The following CACNA1E variants were observed in gnomAD, a reference collection of about 807,000 sequenced individuals.
CACNA1E encodes the protein calcium voltage-gated channel subunit alpha1 E.
A neutral mutation model predicts 259.2 loss-of-function variants in CACNA1E; 40 were observed. The observed-to-expected ratio is 0.15, with a 90% CI of 0.12 to 0.20. CACNA1E has a LOEUF of 0.20. Among genes scored for constraint, CACNA1E ranks in the 10% least tolerant of loss-of-function variants. The pLI is 1.00. For missense variants in CACNA1E, 1,874 were observed against 3,040.1 expected (o/e 0.62, Z 9.02); for synonymous variants, 1,104 against 1,138.5 (o/e 0.97, Z 0.61).
rs1662159000 is a variant in CACNA1E at position 181,800,020 on chromosome 1, A to G, written c.*1186A>G. 1 of 152,454 alleles carries G rather than the reference A, an allele frequency of 6.6e-6. No individual in the cohort carries two copies. Among genetic ancestry groups the G allele is most frequent in the South Asian group, 2.1e-4 (1 of 4,830 alleles). 9.4% of individuals were successfully genotyped at this position (152,454 alleles called of 1,614,324 possible). ...CAGAACACACATATCCAAGTAGGCT[A>G]CCCACCACTGGGTAGGGATTTCTGT... On this transcript the variant is annotated 3_prime_UTR_variant, in exon 48 of 48. Transcript: ENST00000367573.
At chr1:181,337,713 T>C (rs1651821233) in intron 1 of CACNA1E, among the ~76,000 whole-genome samples, 4 of 152,218 alleles carry the variant, frequency 2.6e-5, no homozygotes, top group Admixed American at 2.6e-4. Context: ...GGCTGAGTAG[T>C]ATTCCATTCT....
intron 6 of CACNA1E, among the ~76,000 whole-genome samples, chr1:181,613,448 A>G (rs1273809223): frequency 6.6e-6 from 1 of 152,192 alleles, no homozygotes; most frequent in Non-Finnish European, 1.5e-5. Flanking sequence ...GAGAAAAGAA[A>G]ATCATAAGGA....
At position 181,798,429 on chromosome 1, in the gene CACNA1E, G is replaced by C; in HGVS notation, c.6537G>C (p.Ala2179=). The change falls in exon 48 of 48, where the codon GCG becomes GCC. Residue 2179 remains alanine (A), a synonymous_variant. Transcript: ENST00000367573. This position sits in a 1 kb window ranked among gnomAD's most constrained non-coding sequence, Gnocchi z 4.2. ...LLSYSSLIRH[A]GSISPPADGS... ...CCTACAGCTCCCTGATTCGACACGCGGGCAGCATCTCTCCACCTGCTGATG... is the reference window on the plus strand; with the variant it reads ...CCTACAGCTCCCTGATTCGACACGCCGGCAGCATCTCTCCACCTGCTGATG... 6.2e-7 allele frequency: 1 copy of C among 1,613,642 alleles called. No homozygotes were observed. The highest frequency in any genetic ancestry group is 8.5e-7 in the Non-Finnish European group (1 of 1,179,884).
rs545353383 is a variant in CACNA1E, at chr1:181,416,472, G to GTCAT, written c.434+2894_434+2897dup. Among the ~76,000 whole-genome samples the GTCAT allele has an allele frequency of 1.2e-4, 18 of 152,276 alleles. No homozygotes were observed. The East Asian group carries it at 3.1e-3, about 26-fold the overall frequency. On this transcript the variant is annotated intron_variant, in intron 2 of 11. Transcript: ENST00000524607. ...GCTATCCTGTAAGCCAAAGAATGTA[G>GTCAT]TCATTGGCCTCTTTAACTCTTTGGG...
intron 2 of CACNA1E, among the ~76,000 whole-genome samples, chr1:181,455,649 A>C (rs963490836): frequency 3.3e-5 from 5 of 152,206 alleles, no homozygotes; most frequent in African/African-American, 1.2e-4. Flanking sequence ...CTAGTCTTTC[A>C]TCTGCTCAAG....
At chr1:181,615,149 TA>T (rs1398303097) in intron 6 of CACNA1E, among the ~76,000 whole-genome samples, 4 of 152,216 alleles carry the variant, frequency 2.6e-5, no homozygotes, top group African/African-American at 9.6e-5. Flanking sequence ...TTTTTCTCAT[TA>T]AAGTTTTATA....
At chr1:181,744,175 G>T (rs1386443680) in intron 25 of CACNA1E, among the ~76,000 whole-genome samples, 1 of 152,232 alleles carries the variant, frequency 6.6e-6, no homozygotes, top group African/African-American at 2.4e-5. Flanking sequence ...ATTGAAGTAT[G>T]TCACTTTCCT....
intron 3 of CACNA1E, among the ~76,000 whole-genome samples, chr1:181,565,615 T>C (rs1024466345): frequency 6.6e-6 from 1 of 152,158 alleles, no homozygotes; most frequent in Admixed American, 6.5e-5. Flanking sequence ...AGCACTGAAA[T>C]TTTTGGAAAG....
chr1:181,719,063 T>C (rs1181636034), intron 12 of CACNA1E, among the ~76,000 whole-genome samples: 1 of 152,242 alleles, frequency 6.6e-6, no homozygotes. Context: ...GTACGGGCAA[T>C]TTTCAGGCAT....
At chr1:181,367,455 AGG>A (rs894253812) in intron 1 of CACNA1E, among the ~76,000 whole-genome samples, 2 of 151,686 alleles carry the variant, frequency 1.3e-5, no homozygotes, top group Non-Finnish European at 2.9e-5. Flanking sequence ...GTCATCTCAA[AGG>A]GGTATAGACA....
intron 44 of CACNA1E, among the ~76,000 whole-genome samples, chr1:181,791,635 C>T (rs1486101138): frequency 3.3e-5 from 5 of 152,150 alleles, no homozygotes; most frequent in African/African-American, 1.2e-4. Context: ...GCCATGAGCT[C>T]AAGGTCCCCC....
chr1:181,503,619 T>G (rs1018502317), intron 1 of CACNA1E, among the ~76,000 whole-genome samples: 1 of 152,254 alleles, frequency 6.6e-6, no homozygotes, highest in African/African-American at 2.4e-5. Context: ...CACCAACAGA[T>G]GCTTTCCCCA....
intron 3 of CACNA1E, among the ~76,000 whole-genome samples, chr1:181,515,785 G>A (rs1031180147): frequency 1.3e-5 from 2 of 152,194 alleles, no homozygotes; most frequent in African/African-American, 2.4e-5. Context: ...AAATGAAGGC[G>A]AGGACTGTGT....
rs766886496 is a variant in CACNA1E at position 181,510,520 on chromosome 1, A to C, written c.310A>C (p.Ile104Leu). The C allele has an allele frequency of 6.8e-6, 11 of 1,613,898 alleles. No homozygotes were observed. Among genetic ancestry groups the C allele is most frequent in the Non-Finnish European group, 9.3e-6 (11 of 1,179,882 alleles). ...CCTGGCCACCATCATTGCCAACTGC[A>C]TCGTCCTGGCCCTGGAGCAGCATCT... ...MILATIIANC[I>L]VLALEQHLPE... Residue 104 changes from isoleucine (I) to leucine (L), a missense_variant, in exon 2 of 48, where the codon ATC becomes CTC. By Grantham distance (5) the Ile-to-Leu change is conservative. Around this residue, in one of 14 missense-constraint regions of CACNA1E, gnomAD observed 55 missense variants for 156.5 expected, o/e 0.35. Coordinates refer to ENST00000367573, the MANE Select transcript of CACNA1E (RefSeq NM_001205293.3).
At chr1:181,401,081 G>T (rs574517565) in intron 1 of CACNA1E, among the ~76,000 whole-genome samples, 189 of 152,234 alleles carry the variant, frequency 1.2e-3, no homozygotes, top group Non-Finnish European at 2.2e-3. Flanking sequence ...TGGCCTCCTT[G>T]CTGCTCCTAG....
At chr1:181,720,009 CT>C in intron 13 of CACNA1E, 146 bp downstream of exon 13, 1 of 790,306 alleles carries the variant, frequency 1.3e-6, no homozygotes, top group Non-Finnish European at 2.0e-6. Context: ...TTAGCTCTTC[CT>C]TTTTCTCCAA....
intron 1 of CACNA1E, among the ~76,000 whole-genome samples, chr1:181,490,258 C>T (rs182040413): frequency 1.3e-5 from 2 of 152,242 alleles, no homozygotes; most frequent in Admixed American, 6.5e-5. Flanking sequence ...TGTCGGTTAT[C>T]CAAGAGATCC....
At chr1:181,338,278 G>A (rs1262804826) in intron 1 of CACNA1E, among the ~76,000 whole-genome samples, 2 of 152,150 alleles carry the variant, frequency 1.3e-5, no homozygotes, top group African/African-American at 2.4e-5. Flanking sequence ...TAGAGATGGA[G>A]TTTCGCCATG....
chr1:181,356,853 C>A (rs1653482337), intron 1 of CACNA1E, among the ~76,000 whole-genome samples: 1 of 152,094 alleles, frequency 6.6e-6, no homozygotes. Flanking sequence ...CTCTCCTGAG[C>A]CCTGGTAGGA....
Sources: allele counts gnomAD v4.1 joint callset (sites outside exome capture counted in the v4.1 genomes callset), GRCh38; gene constraint gnomAD v4.1.1; regional missense constraint gnomAD v4.1.1; non-coding constraint Gnocchi (gnomAD v3.1); transcripts MANE v1.5; gene names NCBI Gene and HGNC (gene_info 2026-07-23, HGNC 2026-07-21).